The following FHIT variants were observed in gnomAD, a reference collection of about 807,000 sequenced individuals.
The protein encoded by FHIT is fragile histidine triad diadenosine triphosphatase.
In FHIT, 19 loss-of-function variants were observed where a neutral mutation model predicts 17.9. The ratio of observed to expected loss-of-function variants is 1.06; its 90% CI spans 0.74 to 1.56. The LOEUF (loss-of-function observed/expected upper bound fraction) is 1.56, where lower values mean the gene tolerates loss of function less well. Among genes scored for constraint, FHIT ranks in the 40% most tolerant of loss-of-function variants. FHIT has a pLI of 0.00. For missense variants in FHIT, 248 were observed against 189.2 expected, an observed-to-expected ratio of 1.31 and a Z score of -1.82; for synonymous variants, 81 against 69.7, an observed-to-expected ratio of 1.16 and a Z score of -0.81.
chr3:60,283,597 T>G (rs914019939), intron 5 of FHIT, among the ~76,000 whole-genome samples: 1 of 152,110 alleles, frequency 6.6e-6, no homozygotes, highest in Non-Finnish European at 1.5e-5. Flanking sequence ...AGAAGCAGCC[T>G]AGATTTTTTA....
chr3:60,077,872 C>CA (rs1374544104), intron 5 of FHIT, among the ~76,000 whole-genome samples: 1 of 151,664 alleles, frequency 6.6e-6, no homozygotes, highest in South Asian at 2.1e-4. Flanking sequence ...GCTCTCTTCA[C>CA]AAAAAAAGTA....
At chr3:61,229,311 G>A (rs1046063919) in intron 1 of FHIT, among the ~76,000 whole-genome samples, 23 of 152,128 alleles carry the variant, frequency 1.5e-4, no homozygotes, top group Admixed American at 1.3e-3. Flanking sequence ...CAGTTATGTG[G>A]GTGCAAGCCA....
At chr3:60,149,524 G>A (rs1360851495) in intron 5 of FHIT, among the ~76,000 whole-genome samples, 1 of 151,968 alleles carries the variant, frequency 6.6e-6, no homozygotes, top group African/African-American at 2.4e-5. Context: ...TAAACCTAAG[G>A]TTCCGGAGCT....
chr3:59,867,025 G>A (rs191093781), intron 8 of FHIT, among the ~76,000 whole-genome samples: 1 of 150,858 alleles, frequency 6.6e-6, no homozygotes, highest in East Asian at 2.0e-4. Flanking sequence ...GGTTCGTGAA[G>A]TTCATTAACA....
chr3:59,993,898 T>G (rs1460134367), intron 7 of FHIT, among the ~76,000 whole-genome samples: 2 of 152,004 alleles, frequency 1.3e-5, no homozygotes, highest in Non-Finnish European at 2.9e-5. Flanking sequence ...CTGGGGAAAA[T>G]TAATAATATT....
At chr3:60,808,864 A>G (rs1575551577) in intron 4 of FHIT, among the ~76,000 whole-genome samples, 1 of 152,216 alleles carries the variant, frequency 6.6e-6, no homozygotes, top group Admixed American at 6.5e-5. Flanking sequence ...GAGTAATTCT[A>G]TTTTGGTTTG....
At chr3:60,001,937 T>G (rs957085388) in intron 7 of FHIT, among the ~76,000 whole-genome samples, 3 of 152,096 alleles carry the variant, frequency 2.0e-5, no homozygotes, top group Non-Finnish European at 4.4e-5. Flanking sequence ...GGCACCAGGA[T>G]GGAAAGCATG....
rs376383888 is a variant in FHIT, at chr3:60,514,288, G to A, written c.103+22572C>T. Among the ~76,000 whole-genome samples the A allele has an allele frequency of 5.3e-5, 8 of 152,348 alleles. 1 individual carries two copies. Among genetic ancestry groups the A allele is most frequent in the Admixed American group, 2.0e-4 (3 of 15,312 alleles). On this transcript the variant is annotated intron_variant, in intron 5 of 9. Coordinates refer to ENST00000492590, the MANE Select transcript of FHIT (RefSeq NM_002012.4). Reference sequence around the variant, plus strand: ...AAAGAGCATTGTAACACACTTGGACGCTGCCATGGGGCATGCACAGGGCCT... The same window carrying A: ...AAAGAGCATTGTAACACACTTGGACACTGCCATGGGGCATGCACAGGGCCT...
At chr3:60,918,243 T>C (rs1221575812) in intron 3 of FHIT, among the ~76,000 whole-genome samples, 2 of 152,194 alleles carry the variant, frequency 1.3e-5, no homozygotes, top group Non-Finnish European at 2.9e-5. Context: ...TCTTTTTCTT[T>C]ATAAATTAGC....
At chr3:61,116,120 A>G (rs976717695) in intron 2 of FHIT, among the ~76,000 whole-genome samples, 3 of 152,018 alleles carry the variant, frequency 2.0e-5, no homozygotes, top group Admixed American at 2.0e-4. Context: ...TTTCTCTAGT[A>G]TTTCTCAGAC....
intron 4 of FHIT, among the ~76,000 whole-genome samples, chr3:60,642,548 A>C (rs958836455): frequency 6.6e-6 from 1 of 152,236 alleles, no homozygotes; most frequent in South Asian, 2.1e-4. Context: ...TTGTAAAACA[A>C]AAATCTTTTC....
At chr3:60,608,105 T>G (rs151169478) in intron 4 of FHIT, among the ~76,000 whole-genome samples, 1 of 152,188 alleles carries the variant, frequency 6.6e-6, no homozygotes, top group Non-Finnish European at 1.5e-5. Context: ...CTCAGGGGTG[T>G]ACACTGTAAT....
intron 5 of FHIT, among the ~76,000 whole-genome samples, chr3:60,476,161 CAA>C: frequency 6.6e-6 from 1 of 152,266 alleles, no homozygotes; most frequent in East Asian, 1.9e-4. Flanking sequence ...GCACCATTTG[CAA>C]AGTTATTTAA....
intron 2 of FHIT, among the ~76,000 whole-genome samples, chr3:61,043,053 C>G (rs979799028): frequency 1.3e-5 from 2 of 152,106 alleles, no homozygotes; most frequent in African/African-American, 4.8e-5. Context: ...ACGCAGAAGA[C>G]AGGTGATTTC....
chr3:59,972,761 T>C (rs902894483), intron 7 of FHIT, among the ~76,000 whole-genome samples: 19 of 152,140 alleles, frequency 1.2e-4, no homozygotes, highest in African/African-American at 4.3e-4. Context: ...TCTTATTCAG[T>C]ACAGGTCTCA....
intron 4 of FHIT, among the ~76,000 whole-genome samples, chr3:60,774,274 A>T (rs782607642): frequency 1.3e-5 from 2 of 152,068 alleles, no homozygotes; most frequent in Non-Finnish European, 2.9e-5. Flanking sequence ...TTTTTTCCCT[A>T]TATATACATA....
chr3:61,177,389 T>G (rs2038193327), intron 2 of FHIT, among the ~76,000 whole-genome samples: 1 of 152,132 alleles, frequency 6.6e-6, no homozygotes, highest in Admixed American at 6.5e-5. Context: ...GTTTATACTC[T>G]CCACTGCGCA....
At chr3:60,035,281 G>C (rs1412577390) in intron 5 of FHIT, among the ~76,000 whole-genome samples, 1 of 152,206 alleles carries the variant, frequency 6.6e-6, no homozygotes, top group Non-Finnish European at 1.5e-5. Flanking sequence ...TTGTTGCCCA[G>C]GCTGGAGTGC....
At chr3:61,212,095 T>G (rs1345797172) in intron 1 of FHIT, among the ~76,000 whole-genome samples, 2 of 152,162 alleles carry the variant, frequency 1.3e-5, no homozygotes, top group African/African-American at 4.8e-5. Flanking sequence ...AGCAGAGCGC[T>G]TCTCCTCCTC....
Sources: allele counts gnomAD v4.1 joint callset (sites outside exome capture counted in the v4.1 genomes callset), GRCh38; gene constraint gnomAD v4.1.1; transcripts MANE v1.5; gene names NCBI Gene and HGNC (gene_info 2026-07-23, HGNC 2026-07-21).